The following SLIT1 variants were observed in gnomAD, a reference collection of about 807,000 sequenced individuals.
SLIT1 encodes slit homolog 1 protein.
In SLIT1, 66 loss-of-function variants were observed where a neutral mutation model predicts 186.1. The observed-to-expected ratio is 0.35, with a 90% CI of 0.29 to 0.44. SLIT1 has a LOEUF of 0.44. Ranked by LOEUF, SLIT1 falls within the 20% of genes least tolerant of loss-of-function variation. The pLI is 1.00. For synonymous variants in SLIT1, 761 were observed against 833.8 expected (o/e 0.91, Z 1.50); for missense variants, 1,638 against 2,037.4 (o/e 0.80, Z 3.77).
intron 28 of SLIT1, among the ~76,000 whole-genome samples, chr10:97,014,961 A>G (rs1344887959): frequency 6.6e-6 from 1 of 152,012 alleles, no homozygotes; most frequent in African/African-American, 2.4e-5. Flanking sequence ...TCAGGAGCAC[A>G]GTGAGCAAAG....
Position 97,004,723 on chromosome 10 carries a change from G to A in SLIT1, c.3680C>T (p.Pro1227Leu). The change falls in exon 33 of 37, where the codon CCA (proline) becomes CTA (leucine). Residue 1227 changes from proline to leucine, a missense_variant. Around this residue, in one of 3 missense-constraint regions of SLIT1, gnomAD observed 173 missense variants for 290.9 expected, o/e 0.59. Coordinates refer to ENST00000266058, the MANE Select transcript of SLIT1 (RefSeq NM_003061.3). The surrounding 1 kb of genome is among the most constrained non-coding windows in gnomAD (Gnocchi z 5.1). ...YQGHVRVSYD[P>L]GSYPSSAIYS... ...GATGGCAGAGCTGGGGTAGCTGCCT[G>A]GGTCGTAGCTGACACGCACATGGCC... 6.2e-7 allele frequency: 1 copy of A among 1,614,178 alleles called. No individual in the cohort carries two copies. The highest frequency in any genetic ancestry group is 8.5e-7 in the Non-Finnish European group (1 of 1,180,014).
At chr10:97,030,625 C>T (rs111561050) in intron 25 of SLIT1, 132 bp downstream of exon 25, 3 of 713,508 alleles carry the variant, frequency 4.2e-6, no homozygotes, top group East Asian at 2.7e-5. Flanking sequence ...AGAAGGTGCA[C>T]GTGGGAAGTT....
intron 30 of SLIT1, among the ~76,000 whole-genome samples, chr10:97,012,156 A>C (rs1848417497): frequency 6.6e-6 from 1 of 151,530 alleles, no homozygotes; most frequent in Non-Finnish European, 1.5e-5. Flanking sequence ...AGATTCATAC[A>C]ACAATACTGA....
chr10:97,164,766 G>T, intron 2 of SLIT1, 53 bp downstream of exon 2: 1 of 1,359,504 alleles, frequency 7.4e-7, no homozygotes, highest in Non-Finnish European at 1.1e-6. Context: ...GCCCTGCCCA[G>T]GACTGCCGTG....
At chr10:97,048,129 G>C in intron 14 of SLIT1, 133 bp from the exon 15 acceptor site, 1 of 940,902 alleles carries the variant, frequency 1.1e-6, no homozygotes. Context: ...CAGTCCCTGT[G>C]TGCAGAAGGG....
At chr10:97,045,851 T>C (rs908888932) in intron 18 of SLIT1, among the ~76,000 whole-genome samples, 3 of 152,250 alleles carry the variant, frequency 2.0e-5, no homozygotes, top group African/African-American at 7.2e-5. Context: ...TTGGGACTTA[T>C]ACCTGGGCAA....
intron 4 of SLIT1, among the ~76,000 whole-genome samples, chr10:97,116,766 A>G (rs1181744412): frequency 6.6e-6 from 1 of 152,198 alleles, no homozygotes; most frequent in Admixed American, 6.5e-5. Context: ...TCCTCACCCC[A>G]GAGCATCTGG....
Position 97,048,968 on chromosome 10 carries a change from C to T in SLIT1, c.1452G>A (p.Lys484=). The T allele has an allele frequency of 2.5e-6, 4 of 1,608,382 alleles. No individual in the cohort carries two copies. The highest frequency in any genetic ancestry group is 3.4e-6 in the Non-Finnish European group (4 of 1,179,504). The change falls in exon 14 of 37, where the codon AAG becomes AAA. Residue 484 remains lysine (K), a synonymous_variant. Transcript: ENST00000266058. The part of the protein sequence containing the change: ...NKRIGQIKSK[K]FRCSAKEQYF... The stretch of plus-strand genomic sequence containing the variant: ...GCGGGCAGGTACCTGAGCACCGGAA[C>T]TTCTTGCTCTTGATCTGCCCGATGC...
At chr10:97,100,247 G>T (rs2134669853) in intron 4 of SLIT1, among the ~76,000 whole-genome samples, 1 of 152,268 alleles carries the variant, frequency 6.6e-6, no homozygotes, top group South Asian at 2.1e-4. Context: ...TGGATGAGGG[G>T]ACCATCAGCC....
In SLIT1 at chr10:97,000,164, ACT is replaced by A. The variant is rs1332385423; in HGVS notation, c.*946_*947del. ...TCCCTACTGGCCTGCGGTGTGAAGG[ACT>A]CTGAACCAGCTGCTCCCAGGTCAAG... On this transcript the variant is annotated 3_prime_UTR_variant, in exon 37 of 37. Coordinates refer to ENST00000266058, the MANE Select transcript of SLIT1 (RefSeq NM_003061.3). The A allele has an allele frequency of 6.6e-6, 1 of 152,176 alleles. No individual in the cohort carries two copies. 9.4% of individuals were successfully genotyped at this position (152,176 alleles called of 1,614,324 possible).
At chr10:97,165,568 A>T (rs112392069) in intron 1 of SLIT1, among the ~76,000 whole-genome samples, 1,647 of 152,236 alleles carry the variant, frequency 0.011, 13 homozygotes, top group Admixed American at 0.02. Context: ...CTGAGGGGTG[A>T]AGGGGGCAGC....
intron 12 of SLIT1, among the ~76,000 whole-genome samples, chr10:97,056,762 G>A (rs2805595): frequency 0.41 from 35,212 of 85,136 alleles, 5,007 homozygotes; most frequent in Admixed American, 0.49. Flanking sequence ...AGGCATTTTT[G>A]GGGGGGGCTC....
At chr10:97,141,879 A>G (rs1368923939) in intron 4 of SLIT1, among the ~76,000 whole-genome samples, 1 of 151,998 alleles carries the variant, frequency 6.6e-6, no homozygotes, top group Non-Finnish European at 1.5e-5. Context: ...TGCATCCCCA[A>G]ACTCCTGGGC....
At chr10:97,179,958 C>T (rs1256284777) in intron 1 of SLIT1, among the ~76,000 whole-genome samples, 1 of 152,234 alleles carries the variant, frequency 6.6e-6, no homozygotes, top group Non-Finnish European at 1.5e-5. Flanking sequence ...CGGCACAGAA[C>T]TGGAGGCGGC....
intron 4 of SLIT1, among the ~76,000 whole-genome samples, chr10:97,066,347 C>G (rs541209703): frequency 2.6e-5 from 4 of 152,326 alleles, no homozygotes; most frequent in Non-Finnish European, 4.4e-5. Context: ...TCTCTGGGCT[C>G]GGGGCTTGCA....
chr10:97,157,074 T>G (rs1405169782), intron 4 of SLIT1, among the ~76,000 whole-genome samples: 3 of 152,180 alleles, frequency 2.0e-5, no homozygotes, highest in African/African-American at 7.2e-5. Flanking sequence ...AATTTTCTAA[T>G]TTACTTATTT....
chr10:97,029,078 C>T (rs909352177), intron 25 of SLIT1, among the ~76,000 whole-genome samples: 3 of 152,154 alleles, frequency 2.0e-5, no homozygotes, highest in Admixed American at 6.5e-5. Context: ...AAACGCACTT[C>T]CCGGTTCAAT....
intron 34 of SLIT1, among the ~76,000 whole-genome samples, chr10:97,003,772 C>T (rs1304246111): frequency 1.3e-5 from 2 of 152,216 alleles, no homozygotes; most frequent in African/African-American, 4.8e-5. Flanking sequence ...AAAGCCCCTT[C>T]TAGCCCAAAA....
intron 4 of SLIT1, among the ~76,000 whole-genome samples, chr10:97,078,114 T>TAAAA (rs916602531): frequency 6.6e-6 from 1 of 151,978 alleles, no homozygotes; most frequent in African/African-American, 2.4e-5. Context: ...CTCAAAAATT[T>TAAAA]AAAAAATAAA....
Sources: gnomAD v4.1 joint callset for allele counts (sites outside exome capture counted in the v4.1 genomes callset) on GRCh38, gnomAD v4.1.1 for gene constraint, gnomAD v4.1.1 regional missense constraint, Gnocchi (gnomAD v3.1) non-coding constraint, MANE v1.5 for transcripts, NCBI Gene and HGNC (gene_info 2026-07-23, HGNC 2026-07-21) for gene names.